CNTN5: variants seen among roughly 807,000 people sequenced by gnomAD.
CNTN5 encodes the protein contactin 5.
CNTN5 carries 77 observed loss-of-function variants against 129.1 expected under a neutral mutation model. That is an observed-to-expected ratio of 0.60 (90% confidence interval 0.50 to 0.72). The LOEUF is 0.72. Among genes scored for constraint, CNTN5 ranks in the 30% least tolerant of loss-of-function variants. CNTN5 has a pLI of 0.00. For missense variants in CNTN5, 1,478 were observed against 1,328.8 expected (o/e 1.11, Z -1.75); for synonymous variants, 509 against 465.6 (o/e 1.09, Z -1.20).
chr11:99,238,607 G>A (rs1439036349), intron 1 of CNTN5, among the ~76,000 whole-genome samples: 1 of 152,076 alleles, frequency 6.6e-6, no homozygotes, highest in Non-Finnish European at 1.5e-5. Flanking sequence ...GCCTAACTTG[G>A]CAAGAAAACA....
chr11:99,214,738 C>T (rs1383057353), intron 1 of CNTN5, among the ~76,000 whole-genome samples: 1 of 152,072 alleles, frequency 6.6e-6, no homozygotes, highest in Non-Finnish European at 1.5e-5. Context: ...TGTAAATTCA[C>T]TCAATCTTCA....
intron 13 of CNTN5, among the ~76,000 whole-genome samples, chr11:100,139,117 A>C (rs1946613297): frequency 1.3e-5 from 2 of 152,150 alleles, no homozygotes; most frequent in African/African-American, 4.8e-5. Context: ...GAAGAATTTA[A>C]GTGAGAACCT....
chr11:99,465,921 G>A lies in CNTN5; in HGVS notation c.-70-90224G>A, dbSNP rs534280286. 1.3e-4 allele frequency among the ~76,000 whole-genome samples: 17 copies of A among 131,728 alleles called. 1 individual carries two copies. In the South Asian group the frequency reaches 1.7e-3, roughly 13 times the overall value. The allele number at this position is 131,728 out of a possible 152,430, so 86.4% of individuals were successfully genotyped here. ...CTTTGAGACGGAGTCTCGCTCTGTCGCCCAGGCTGGAGTGCAGTGGTGCGA... is the reference window on the plus strand; with the variant it reads ...CTTTGAGACGGAGTCTCGCTCTGTCACCCAGGCTGGAGTGCAGTGGTGCGA... On this transcript the variant is annotated intron_variant, in intron 2 of 24. Transcript: ENST00000524871.
chr11:99,424,177 A>G (rs1278078525), intron 2 of CNTN5, among the ~76,000 whole-genome samples: 1 of 152,246 alleles, frequency 6.6e-6, no homozygotes, highest in East Asian at 1.9e-4. Flanking sequence ...CAATATGGCA[A>G]CATCAATACT....
chr11:99,214,922 A>G (rs1379762397), intron 1 of CNTN5, among the ~76,000 whole-genome samples: 1 of 152,146 alleles, frequency 6.6e-6, no homozygotes, highest in Non-Finnish European at 1.5e-5. Context: ...ATACTCAAGT[A>G]GTTATTCTCA....
intron 1 of CNTN5, among the ~76,000 whole-genome samples, chr11:99,065,201 A>T (rs561977963): frequency 1.8e-4 from 27 of 152,282 alleles, no homozygotes; most frequent in Admixed American, 1.4e-3. Flanking sequence ...ATTGCAAAGT[A>T]GGATACACAT....
intron 4 of CNTN5, among the ~76,000 whole-genome samples, chr11:99,822,785 A>T (rs1201208470): frequency 6.6e-6 from 1 of 152,254 alleles, no homozygotes; most frequent in Non-Finnish European, 1.5e-5. Flanking sequence ...GTAATCTCTC[A>T]CTTTATCTGT....
chr11:99,041,621 G>T (rs963008612), intron 1 of CNTN5, among the ~76,000 whole-genome samples: 3 of 152,138 alleles, frequency 2.0e-5, no homozygotes, highest in African/African-American at 7.2e-5. Context: ...ATTAAGTATA[G>T]TTTTTGAGAT....
chr11:99,790,185 A>C (rs1945688996), intron 3 of CNTN5, among the ~76,000 whole-genome samples: 1 of 151,924 alleles, frequency 6.6e-6, no homozygotes, highest in South Asian at 2.1e-4. Context: ...TCTTTTTTAA[A>C]ATTTTTATTT....
At chr11:99,768,437 A>G (rs1373089227) in intron 3 of CNTN5, among the ~76,000 whole-genome samples, 1 of 152,116 alleles carries the variant, frequency 6.6e-6, no homozygotes, top group South Asian at 2.1e-4. Context: ...TGTCTCATAG[A>G]CAGTCCATAT....
intron 7 of CNTN5, among the ~76,000 whole-genome samples, chr11:99,919,798 G>T (rs1189648401): frequency 1.5e-5 from 2 of 132,022 alleles, no homozygotes; most frequent in African/African-American, 6.2e-5. Flanking sequence ...GACTTTTCTA[G>T]AATATTTATT....
At chr11:99,872,053 G>A (rs959161652) in intron 6 of CNTN5, among the ~76,000 whole-genome samples, 1 of 151,784 alleles carries the variant, frequency 6.6e-6, no homozygotes, top group Non-Finnish European at 1.5e-5. Flanking sequence ...CTTTTTTAAA[G>A]GACATATTTA....
intron 2 of CNTN5, among the ~76,000 whole-genome samples, chr11:99,392,277 A>G (rs528864696): frequency 6.6e-6 from 1 of 151,958 alleles, no homozygotes; most frequent in East Asian, 1.9e-4. Flanking sequence ...ACATATAAGT[A>G]CTAGAGTTTT....
At chr11:99,937,173 A>G (rs892995508) in intron 7 of CNTN5, among the ~76,000 whole-genome samples, 1 of 152,224 alleles carries the variant, frequency 6.6e-6, no homozygotes, top group African/African-American at 2.4e-5. Context: ...TGTTAAGCAG[A>G]GTTCTTTAGA....
chr11:99,181,964 C>T (rs1488534758), intron 1 of CNTN5, among the ~76,000 whole-genome samples: 1 of 152,156 alleles, frequency 6.6e-6, no homozygotes, highest in Non-Finnish European at 1.5e-5. Context: ...TGACCTTTAA[C>T]TCTCCCTGGT....
chr11:99,199,217 T>C (rs1333088325), intron 1 of CNTN5, among the ~76,000 whole-genome samples: 5 of 152,068 alleles, frequency 3.3e-5, no homozygotes, highest in Admixed American at 1.3e-4. Flanking sequence ...TCAAGTCCCA[T>C]TGGTAAATAA....
chr11:99,964,368 G>GC lies in CNTN5; in HGVS notation c.877+7359_877+7360insC, dbSNP rs531220623. Among the ~76,000 whole-genome samples the GC allele has an allele frequency of 7.8e-4, 118 of 152,256 alleles. 2 individuals carry two copies. In the East Asian group the frequency reaches 0.023, roughly 29 times the overall value. On this transcript the variant is annotated intron_variant, in intron 8 of 24. Coordinates refer to ENST00000524871, the MANE Select transcript of CNTN5 (RefSeq NM_014361.4). ...ATTTATTGAGAGTTTTTAGCATGAAGATTGTTGAATTTTGTCAAAGGCCTT... is the reference window on the plus strand; with the variant it reads ...ATTTATTGAGAGTTTTTAGCATGAAGCATTGTTGAATTTTGTCAAAGGCCTT...
intron 2 of CNTN5, among the ~76,000 whole-genome samples, chr11:99,347,354 C>T (rs1937968058): frequency 6.6e-6 from 1 of 152,068 alleles, no homozygotes; most frequent in Non-Finnish European, 1.5e-5. Flanking sequence ...TATAAAACTT[C>T]CAAACAAAGA....
At chr11:99,361,618 G>A (rs544126092) in intron 2 of CNTN5, among the ~76,000 whole-genome samples, 4 of 151,910 alleles carry the variant, frequency 2.6e-5, no homozygotes, top group Non-Finnish European at 4.4e-5. Context: ...AACAGAAACC[G>A]TGTCCATTAA....
Sources: allele counts gnomAD v4.1 joint callset (sites outside exome capture counted in the v4.1 genomes callset), GRCh38; gene constraint gnomAD v4.1.1; transcripts MANE v1.5; gene names NCBI Gene and HGNC (gene_info 2026-07-23, HGNC 2026-07-21).